Variants in PCNX1 observed in about 807,000 individuals in gnomAD.
The protein encoded by PCNX1 is pecanex 1, also known as pecanex-like protein 1.
PCNX1 carries 78 observed loss-of-function variants against 242.2 expected under a neutral mutation model. The observed-to-expected ratio is 0.32, with a 90% confidence interval of 0.27 to 0.39. PCNX1 has a LOEUF of 0.39. Ranked by LOEUF, PCNX1 falls within the 10% of genes least tolerant of loss-of-function variation. The pLI, the probability that PCNX1 is intolerant of heterozygous loss-of-function variation, is 1.00. For missense variants in PCNX1, 2,581 were observed against 2,856.5 expected (o/e 0.90, Z 2.20); for synonymous variants, 1,024 against 1,032.9 (o/e 0.99, Z 0.17).
At chr14:71,074,564 G>T (rs994312557) in intron 27 of PCNX1, among the ~76,000 whole-genome samples, 7 of 152,310 alleles carry the variant, frequency 4.6e-5, no homozygotes, top group African/African-American at 1.7e-4. Context: ...GTTTTTCCCA[G>T]CAGTGAAGCA....
intron 2 of PCNX1, among the ~76,000 whole-genome samples, chr14:70,948,807 TCAG>T (rs1006380393): frequency 2.0e-5 from 3 of 148,390 alleles, no homozygotes; most frequent in Admixed American, 6.7e-5. Context: ...TGCTTATAAA[TCAG>T]CATTTATTTT....
intron 1 of PCNX1, among the ~76,000 whole-genome samples, chr14:70,928,893 C>G (rs922501882): frequency 6.6e-6 from 1 of 152,144 alleles, no homozygotes; most frequent in African/African-American, 2.4e-5. Flanking sequence ...AAAACCGTTA[C>G]ACTTTTGGCT....
At position 71,115,176 on chromosome 14, in the gene PCNX1, T is replaced by G. The variant is rs950016928; in HGVS notation, c.*5241T>G. 2.6e-5 allele frequency: 4 copies of G among 152,574 alleles called. No homozygotes were observed. The highest frequency in any genetic ancestry group is 5.9e-5 in the Non-Finnish European group (4 of 68,024). 9.5% of individuals were successfully genotyped at this position (152,574 alleles called of 1,614,324 possible). On this transcript the variant is annotated 3_prime_UTR_variant, in exon 36 of 36. Coordinates refer to ENST00000304743, the MANE Select transcript of PCNX1 (RefSeq NM_014982.3). ...AAGTATTCATGGCCTTTACCAGCAT[T>G]CAGTATAAACCAGAGATAAGGACAT... is the stretch of plus-strand genomic sequence containing the variant.
intron 26 of PCNX1, among the ~76,000 whole-genome samples, chr14:71,072,229 A>G (rs1157489484): frequency 6.6e-6 from 1 of 152,210 alleles, no homozygotes; most frequent in Non-Finnish European, 1.5e-5. Context: ...TAGATATCAC[A>G]GTGCCTTCAA....
intron 7 of PCNX1, 83 bp from the exon 8 acceptor site, chr14:70,995,658 C>T (rs2059327079): frequency 5.5e-6 from 7 of 1,261,308 alleles, no homozygotes; most frequent in Non-Finnish European, 7.7e-6. Flanking sequence ...TTTTTGAAAT[C>T]AGTTTTCTAT....
At chr14:70,928,499 G>T (rs2056671609) in intron 1 of PCNX1, among the ~76,000 whole-genome samples, 1 of 152,160 alleles carries the variant, frequency 6.6e-6, no homozygotes, top group Non-Finnish European at 1.5e-5. Context: ...TCAATTTACT[G>T]TGGGATTTAC....
At chr14:71,054,205 A>G (rs1446668685) in intron 24 of PCNX1, among the ~76,000 whole-genome samples, 1 of 152,246 alleles carries the variant, frequency 6.6e-6, no homozygotes, top group Non-Finnish European at 1.5e-5. Context: ...CTAAAACCAT[A>G]TCTGTGAACT....
At chr14:71,102,363 A>G in intron 31 of PCNX1, 143 bp downstream of exon 31, 2 of 603,558 alleles carry the variant, frequency 3.3e-6, no homozygotes, top group Non-Finnish European at 5.9e-6. Flanking sequence ...CAGGCTCTCG[A>G]CCTCCCTTTG....
Position 71,114,174 on chromosome 14 carries a change from A to G in PCNX1, c.*4239A>G, listed in dbSNP as rs2062809188. 1 of 152,208 alleles carries G rather than the reference A, an allele frequency of 6.6e-6. No homozygotes were observed. Among genetic ancestry groups the G allele is most frequent in the South Asian group, 2.1e-4 (1 of 4,832 alleles). The allele number at this position is 152,208 out of a possible 1,614,324, so 9.4% of individuals were successfully genotyped here. A position where few individuals can be genotyped will look rare whatever the true frequency, so the allele number is the denominator to read the frequency against. ...TTGAGGAAGAAAAAAATTAGATACT[A>G]CCATGCATTGGGACAGCATAATTCT... On this transcript the variant is annotated 3_prime_UTR_variant, in exon 36 of 36. Transcript: ENST00000304743.
In PCNX1 at chr14:71,037,760, C is replaced by T. The variant is rs1469673237; in HGVS notation, c.3867+1603C>T. ...TATGGAACCAAAAAAGAGCCCGCAT[C>T]GCCAAGTGAATCCTAAGCCAAAAGA... is the stretch of plus-strand genomic sequence containing the variant. On this transcript the variant is annotated intron_variant, in intron 19 of 35. Transcript: ENST00000304743. Among the ~76,000 whole-genome samples the T allele has an allele frequency of 1.5e-4, 23 of 151,442 alleles. No individual in the cohort carries two copies. In the East Asian group the frequency reaches 2.1e-3, roughly 14 times the overall value.
chr14:71,050,191 C>CT (rs1278568861), intron 22 of PCNX1, among the ~76,000 whole-genome samples: 2 of 150,618 alleles, frequency 1.3e-5, no homozygotes, highest in Non-Finnish European at 1.5e-5. Flanking sequence ...TATTATTATA[C>CT]TTTAAGTTTT....
chr14:71,105,138 A>T, intron 32 of PCNX1, 97 bp from the exon 33 acceptor site: 1 of 847,214 alleles, frequency 1.2e-6, no homozygotes, highest in Non-Finnish European at 1.9e-6. Flanking sequence ...GGTGAACATT[A>T]GTAGCATTTG....
intron 8 of PCNX1, among the ~76,000 whole-genome samples, chr14:71,005,077 C>T (rs1379923255): frequency 6.6e-6 from 1 of 152,060 alleles, no homozygotes; most frequent in Non-Finnish European, 1.5e-5. Context: ...AGAAAATTAT[C>T]CAAGAAATTT....
intron 2 of PCNX1, among the ~76,000 whole-genome samples, chr14:70,958,779 T>C (rs1461624104): frequency 6.6e-6 from 1 of 151,662 alleles, no homozygotes; most frequent in South Asian, 2.1e-4. Context: ...ACCAGAACAA[T>C]GGGATATGCT....
chr14:71,105,290 G>A lies in PCNX1; in HGVS notation c.6151G>A (p.Asp2051Asn), dbSNP rs901787952. 3.7e-6 allele frequency: 6 copies of A among 1,613,954 alleles called. No individual in the cohort carries two copies. The highest frequency in any genetic ancestry group is 3.3e-5 in the Admixed American group (2 of 60,000). ...CNSGGNIEDS[D>N]TGGGTSCTGN... is the part of the protein sequence containing the mutation. ...CAGTGGTGGCAATATTGAAGATTCT[G>A]ATACTGGAGGTGGGACTTCCTGCAC... is the stretch of plus-strand genomic sequence containing the variant. Residue 2051 changes from aspartate (D) to asparagine (N), a missense_variant, in exon 33 of 36, where the codon GAT becomes AAT. Asp to Asn is a conservative substitution (Grantham distance 23, BLOSUM62 1). Around this residue, in one of 9 missense-constraint regions of PCNX1, gnomAD observed 432 missense variants for 433.6 expected, o/e 1.00. Transcript: ENST00000304743.
intron 8 of PCNX1, among the ~76,000 whole-genome samples, chr14:71,000,505 CAT>C (rs1001972337): frequency 1.3e-5 from 2 of 150,340 alleles, no homozygotes; most frequent in Non-Finnish European, 3.0e-5. Flanking sequence ...AACATTTACT[CAT>C]GTTATTAGCT....
intron 20 of PCNX1, among the ~76,000 whole-genome samples, chr14:71,045,833 A>G (rs1011852053): frequency 5.3e-5 from 8 of 152,206 alleles, no homozygotes; most frequent in Non-Finnish European, 1.0e-4. Flanking sequence ...GTATAAAAGG[A>G]TGGAAAAGAG....
At chr14:70,996,658 A>C (rs1323813557) in intron 8 of PCNX1, among the ~76,000 whole-genome samples, 1 of 152,106 alleles carries the variant, frequency 6.6e-6, no homozygotes, top group African/African-American at 2.4e-5. Flanking sequence ...TTGTTCTCAG[A>C]ATGCAGGTTA....
chr14:71,025,465 T>G (rs2060216610), intron 13 of PCNX1, among the ~76,000 whole-genome samples: 1 of 152,128 alleles, frequency 6.6e-6, no homozygotes, highest in African/African-American at 2.4e-5. Context: ...ATTTATAAAG[T>G]AAGATCTAGT....
Sources: allele counts gnomAD v4.1 joint callset (sites outside exome capture counted in the v4.1 genomes callset), GRCh38; gene constraint gnomAD v4.1.1; regional missense constraint gnomAD v4.1.1; transcripts MANE v1.5; gene names NCBI Gene and HGNC (gene_info 2026-07-23, HGNC 2026-07-21).